SNX29: variants seen among roughly 807,000 people sequenced by gnomAD.
The protein encoded by SNX29 is sorting nexin 29.
In SNX29, 78 loss-of-function variants were observed where a neutral mutation model predicts 102.1. The ratio of observed to expected loss-of-function variants is 0.76; its 90% CI spans 0.64 to 0.92. SNX29 has a LOEUF of 0.92. Ranked by LOEUF, SNX29 falls within the 40% of genes least tolerant of loss-of-function variation. The probability of loss-of-function intolerance (pLI) is 0.00; values close to 1 mark genes in which losing one functional copy is unlikely to be tolerated. For synonymous variants in SNX29, 580 were observed against 414.5 expected, an observed-to-expected ratio of 1.40 and a Z score of -4.85; for missense variants, 1,280 against 1,061.7, an observed-to-expected ratio of 1.21 and a Z score of -2.86.
chr16:12,362,056 C>T (rs1334174797), intron 16 of SNX29, among the ~76,000 whole-genome samples: 1 of 151,986 alleles, frequency 6.6e-6, no homozygotes, highest in Non-Finnish European at 1.5e-5. Context: ...GTTCTGTGTC[C>T]TACCTTTCCT....
chr16:12,508,350 A>G (rs1161406263), intron 19 of SNX29, among the ~76,000 whole-genome samples: 1 of 152,144 alleles, frequency 6.6e-6, no homozygotes, highest in Non-Finnish European at 1.5e-5. Context: ...GACCGGTGTC[A>G]CCTCTCAGTA....
intron 20 of SNX29, among the ~76,000 whole-genome samples, chr16:12,543,667 C>G (rs2077449086): frequency 6.6e-6 from 1 of 152,214 alleles, no homozygotes. Context: ...GCTCTTCCAG[C>G]CTGCATTCAA....
chr16:12,278,646 CTATCTTGGTTCAGG>C (rs56219538), intron 15 of SNX29, among the ~76,000 whole-genome samples: 67,012 of 151,812 alleles, frequency 0.44, 16,042 homozygotes, highest in Non-Finnish European at 0.56. Flanking sequence ...TTATACGTCT[CTATCTTGGTTCAGG>C]TATGCATTAC....
intron 14 of SNX29, among the ~76,000 whole-genome samples, chr16:12,224,886 CTG>C (rs1403482706): frequency 6.6e-6 from 1 of 152,118 alleles, no homozygotes; most frequent in Non-Finnish European, 1.5e-5. Context: ...GGATTCAGAT[CTG>C]TGGCTGTACA....
intron 16 of SNX29, among the ~76,000 whole-genome samples, chr16:12,380,973 C>T (rs867635770): frequency 7.7e-6 from 1 of 130,376 alleles, no homozygotes; most frequent in Non-Finnish European, 1.7e-5. Context: ...ATTTCATCCA[C>T]CCACCATCCA....
At chr16:12,549,050 C>T (rs761262999) in intron 20 of SNX29, among the ~76,000 whole-genome samples, 8 of 152,250 alleles carry the variant, frequency 5.3e-5, no homozygotes, top group Admixed American at 5.2e-4. Flanking sequence ...TGAGTCCACT[C>T]TTGCAGCTGG....
At chr16:12,390,232 C>T (rs1169807186) in intron 16 of SNX29, among the ~76,000 whole-genome samples, 1 of 151,774 alleles carries the variant, frequency 6.6e-6, no homozygotes, top group Non-Finnish European at 1.5e-5. Flanking sequence ...TTGCCTCTTG[C>T]CTCCCATCTC....
intron 13 of SNX29, among the ~76,000 whole-genome samples, chr16:12,183,384 A>T (rs1334884742): frequency 6.6e-6 from 1 of 152,102 alleles, no homozygotes; most frequent in African/African-American, 2.4e-5. Context: ...ATAAACTTGG[A>T]TGTACCTACC....
chr16:12,431,131 C>T (rs1177155961), intron 18 of SNX29, among the ~76,000 whole-genome samples: 1 of 152,126 alleles, frequency 6.6e-6, no homozygotes, highest in Admixed American at 6.5e-5. Flanking sequence ...GGATTACAGG[C>T]GTGAGCCACT....
chr16:12,565,647 C>G (rs142952679), intron 20 of SNX29, among the ~76,000 whole-genome samples: 3 of 152,230 alleles, frequency 2.0e-5, no homozygotes, highest in African/African-American at 4.8e-5. Context: ...CACATATAGC[C>G]TCGTGACAGC....
chr16:12,559,220 T>G (rs560754877), intron 20 of SNX29, among the ~76,000 whole-genome samples: 2 of 152,156 alleles, frequency 1.3e-5, no homozygotes, highest in South Asian at 4.2e-4. Flanking sequence ...CGTCTGTATT[T>G]ACAGCCACTC....
chr16:12,023,009 G>A (rs1286394283), intron 3 of SNX29, among the ~76,000 whole-genome samples: 1 of 149,620 alleles, frequency 6.7e-6, no homozygotes, highest in South Asian at 2.1e-4. Flanking sequence ...GAATTCTCCT[G>A]CTCCAGCCTT....
chr16:12,025,973 T>C (rs1360124071), intron 3 of SNX29, among the ~76,000 whole-genome samples: 1 of 152,168 alleles, frequency 6.6e-6, no homozygotes, highest in Non-Finnish European at 1.5e-5. Context: ...TAATAGTACG[T>C]GCCTCATCTA....
At chr16:12,566,416 C>T (rs557738362) in intron 20 of SNX29, among the ~76,000 whole-genome samples, 50 of 48,900 alleles carry the variant, frequency 1.0e-3, no homozygotes, top group Non-Finnish European at 1.6e-3. Context: ...AGCCTGTTAC[C>T]TCCAGGGCCT....
At chr16:12,308,785 G>C (rs1406659167) in intron 15 of SNX29, among the ~76,000 whole-genome samples, 1 of 152,062 alleles carries the variant, frequency 6.6e-6, no homozygotes, top group East Asian at 1.9e-4. Flanking sequence ...AACATGTAAG[G>C]ATTTATTTAT....
chr16:12,446,883 G>T (rs1262623078), intron 18 of SNX29, among the ~76,000 whole-genome samples: 2 of 151,952 alleles, frequency 1.3e-5, no homozygotes, highest in African/African-American at 4.8e-5. Context: ...TGTAAAATAG[G>T]AGCCAGGTGT....
At position 12,042,983 on chromosome 16, in the gene SNX29, G is replaced by T. The variant is rs556690179; in HGVS notation, c.334G>T (p.Val112Leu). Residue 112 changes from valine (V) to leucine (L), a missense_variant, in exon 5 of 21, where the codon GTG (valine) becomes TTG (leucine). Coordinates refer to ENST00000566228, the MANE Select transcript of SNX29 (RefSeq NM_032167.5). ...CTCCCTGCGCCACATCGCCTCAGAC[G>T]TGGGCCGGGGTCGCGCCTGGCTGCG... ...FYSLRHIASDVGRGRAWLRCA... is the reference protein window; with the variant it reads ...FYSLRHIASDLGRGRAWLRCA... 1.9e-6 allele frequency: 3 copies of T among 1,613,694 alleles called. No homozygotes were observed. The highest frequency in any genetic ancestry group is 2.5e-6 in the Non-Finnish European group (3 of 1,179,872).
At chr16:12,535,380 C>G (rs981951337) in intron 20 of SNX29, among the ~76,000 whole-genome samples, 1 of 152,232 alleles carries the variant, frequency 6.6e-6, no homozygotes, top group Non-Finnish European at 1.5e-5. Flanking sequence ...AAGTGATTCA[C>G]CCATCTCGGC....
intron 7 of SNX29, among the ~76,000 whole-genome samples, chr16:12,050,858 C>A (rs1365017246): frequency 1.3e-5 from 2 of 151,992 alleles, no homozygotes; most frequent in Non-Finnish European, 2.9e-5. Context: ...ATTACAGGCA[C>A]CTGCCACCAC....
Sources: allele counts gnomAD v4.1 joint callset (sites outside exome capture counted in the v4.1 genomes callset), GRCh38; gene constraint gnomAD v4.1.1; transcripts MANE v1.5; gene names NCBI Gene and HGNC (gene_info 2026-07-23, HGNC 2026-07-21).